The following ST18 variants were observed in gnomAD, a reference collection of about 807,000 sequenced individuals.
The protein encoded by ST18 is suppression of tumorigenicity 18 protein.
In ST18, 50 loss-of-function variants were observed where a neutral mutation model predicts 110.0. The ratio of observed to expected loss-of-function variants is 0.45; its 90% CI spans 0.36 to 0.58. The LOEUF (loss-of-function observed/expected upper bound fraction) is 0.58, where lower values mean the gene tolerates loss of function less well. Ranked by LOEUF, ST18 falls within the 20% of genes least tolerant of loss-of-function variation. The probability of loss-of-function intolerance (pLI) is 0.00; values close to 1 mark genes in which losing one functional copy is unlikely to be tolerated. For synonymous variants in ST18, 461 were observed against 452.4 expected (o/e 1.02, Z -0.24); for missense variants, 1,306 against 1,280.1 (o/e 1.02, Z -0.31).
chr8:52,249,915 C>G (rs2094153300), intron 2 of ST18, among the ~76,000 whole-genome samples: 2 of 152,008 alleles, frequency 1.3e-5, no homozygotes, highest in African/African-American at 4.8e-5. Flanking sequence ...CATATTAGCA[C>G]AACAAAAAAG....
intron 8 of ST18, among the ~76,000 whole-genome samples, chr8:52,184,412 T>C (rs1328777069): frequency 3.9e-5 from 6 of 152,254 alleles, no homozygotes; most frequent in Non-Finnish European, 2.9e-5. Context: ...CTGTATTTTT[T>C]ACCTGAAACT....
intron 2 of ST18, among the ~76,000 whole-genome samples, chr8:52,308,599 A>G (rs2095851451): frequency 6.6e-6 from 1 of 152,200 alleles, no homozygotes; most frequent in African/African-American, 2.4e-5. Flanking sequence ...ATTTCCCAGA[A>G]ACCTCTCCTT....
intron 2 of ST18, chr8:52,249,210 A>C (rs1228565233): frequency 6.6e-6 from 1 of 152,226 alleles, no homozygotes; most frequent in Non-Finnish European, 1.5e-5. Flanking sequence ...ACAAAATAAG[A>C]ACACTGATCA....
intron 2 of ST18, among the ~76,000 whole-genome samples, chr8:52,230,478 C>G (rs1054424401): frequency 6.6e-6 from 1 of 152,042 alleles, no homozygotes; most frequent in Admixed American, 6.5e-5. Flanking sequence ...AAAGGAACAG[C>G]CCGCACGGCA....
chr8:52,261,480 T>A (rs1268177915), intron 2 of ST18, among the ~76,000 whole-genome samples: 1 of 152,236 alleles, frequency 6.6e-6, no homozygotes, highest in Admixed American at 6.5e-5. Flanking sequence ...TTTTTCATTC[T>A]CCTTGCTTGT....
chr8:52,397,806 T>C (rs1173056334), intron 2 of ST18, among the ~76,000 whole-genome samples: 2 of 152,216 alleles, frequency 1.3e-5, no homozygotes, highest in Non-Finnish European at 2.9e-5. Flanking sequence ...CACTGGTCTA[T>C]AGTTCTGTTT....
intron 2 of ST18, among the ~76,000 whole-genome samples, chr8:52,230,798 G>A (rs1219779633): frequency 8.4e-6 from 1 of 118,640 alleles, no homozygotes; most frequent in African/African-American, 3.4e-5. Flanking sequence ...AAATACTGCC[G>A]AACCCTTGGA....
intron 2 of ST18, among the ~76,000 whole-genome samples, chr8:52,379,182 C>A (rs1474473709): frequency 6.6e-6 from 1 of 151,026 alleles, no homozygotes; most frequent in African/African-American, 2.4e-5. Context: ...ACTGCAACCT[C>A]TGCCTCCCAG....
At chr8:52,117,569 T>C (rs1442987999) in intron 24 of ST18, among the ~76,000 whole-genome samples, 7 of 152,182 alleles carry the variant, frequency 4.6e-5, no homozygotes, top group Non-Finnish European at 1.0e-4. Flanking sequence ...GGCCATTAAA[T>C]TGATGATGGC....
chr8:52,116,255 G>A lies in ST18; in HGVS notation c.3003+20C>T. The A allele has an allele frequency of 6.2e-7, 1 of 1,608,422 alleles. No homozygotes were observed. Among genetic ancestry groups the A allele is most frequent in the East Asian group, 2.2e-5 (1 of 44,822 alleles). On this transcript the variant is annotated intron_variant, in intron 25 of 25. Coordinates refer to ENST00000689386, the MANE Select transcript of ST18 (RefSeq NM_001352837.2). ...GCAAATGCTTGTAATGGAATGGCAA[G>A]GTTCTGGCCTTGAACTTACCATCTG...
intron 5 of ST18, among the ~76,000 whole-genome samples, chr8:52,219,847 ATT>A (rs1433702930): frequency 6.6e-6 from 1 of 152,186 alleles, no homozygotes; most frequent in Non-Finnish European, 1.5e-5. Flanking sequence ...GTTGGTTTTG[ATT>A]CTCTCTGATT....
intron 13 of ST18, among the ~76,000 whole-genome samples, chr8:52,162,478 C>T (rs2061714469): frequency 6.6e-6 from 1 of 152,158 alleles, no homozygotes; most frequent in Non-Finnish European, 1.5e-5. Flanking sequence ...CTGGGCTTTT[C>T]ACCTTTTTTC....
intron 16 of ST18, among the ~76,000 whole-genome samples, chr8:52,146,152 CCA>C (rs2057192385): frequency 6.6e-6 from 1 of 152,076 alleles, no homozygotes; most frequent in African/African-American, 2.4e-5. Context: ...TAACCATATT[CCA>C]GTCTCCAAAT....
At chr8:52,390,122 G>C (rs1038191350) in intron 2 of ST18, among the ~76,000 whole-genome samples, 21 of 152,106 alleles carry the variant, frequency 1.4e-4, no homozygotes, top group Non-Finnish European at 2.6e-4. Flanking sequence ...TTTCCCATGC[G>C]AGCATGCTGC....
At chr8:52,268,626 A>T (rs573406894) in intron 2 of ST18, among the ~76,000 whole-genome samples, 2 of 152,330 alleles carry the variant, frequency 1.3e-5, no homozygotes, top group African/African-American at 4.8e-5. Context: ...AGCTTATAGG[A>T]ACTCTTGAAA....
At chr8:52,300,849 T>TA (rs767085564) in intron 2 of ST18, among the ~76,000 whole-genome samples, 1 of 151,908 alleles carries the variant, frequency 6.6e-6, no homozygotes, top group Non-Finnish European at 1.5e-5. Context: ...TAACTCCTGG[T>TA]AAAAAACAAA....
chr8:52,361,284 TA>T (rs1825638097), intron 2 of ST18, among the ~76,000 whole-genome samples: 1 of 152,210 alleles, frequency 6.6e-6, no homozygotes, highest in Non-Finnish European at 1.5e-5. Flanking sequence ...AATATTTATA[TA>T]AAAAGACAAT....
At chr8:52,127,399 C>G (rs555649044) in intron 22 of ST18, among the ~76,000 whole-genome samples, 7 of 152,286 alleles carry the variant, frequency 4.6e-5, no homozygotes, top group African/African-American at 1.7e-4. Flanking sequence ...TCACTGTCAA[C>G]TGTGGCCTAT....
At chr8:52,182,111 G>A (rs1344128499) in intron 8 of ST18, among the ~76,000 whole-genome samples, 6 of 152,192 alleles carry the variant, frequency 3.9e-5, no homozygotes, top group Admixed American at 3.9e-4. Flanking sequence ...GCAAATGGGA[G>A]AGGCTCCTAC....
Sources: allele counts gnomAD v4.1 joint callset (sites outside exome capture counted in the v4.1 genomes callset), GRCh38; gene constraint gnomAD v4.1.1; transcripts MANE v1.5; gene names NCBI Gene and HGNC (gene_info 2026-07-23, HGNC 2026-07-21).